Variants in NUTM1 observed in about 807,000 individuals in gnomAD.
The protein encoded by NUTM1 is NUT midline carcinoma family member 1.
In NUTM1, 39 loss-of-function variants were observed where a neutral mutation model predicts 88.7. That is an observed-to-expected ratio of 0.44 (90% CI 0.34 to 0.57). NUTM1 has a LOEUF of 0.57. Among genes scored for constraint, NUTM1 ranks in the 20% least tolerant of loss-of-function variants. The probability of loss-of-function intolerance (pLI) is 0.01; values close to 1 mark genes in which losing one functional copy is unlikely to be tolerated. For missense variants in NUTM1, 1,350 were observed against 1,414.5 expected, an observed-to-expected ratio of 0.95 and a Z score of 0.73; for synonymous variants, 494 against 538.0, an observed-to-expected ratio of 0.92 and a Z score of 1.13.
chr15:34,355,936 G>A lies in NUTM1; in HGVS notation c.1928G>A (p.Arg643Lys), dbSNP rs1890797995. 1 of 1,613,934 alleles carries A rather than the reference G, an allele frequency of 6.2e-7. No homozygotes were observed. Residue 643 changes from arginine to lysine, a missense_variant, in exon 8 of 8, where the codon AGG (arginine) becomes AAG (lysine). By Grantham distance (26) the Arg-to-Lys change is conservative. Coordinates refer to ENST00000537011, the MANE Select transcript of NUTM1 (RefSeq NM_001284292.2). The surrounding 1 kb of genome is among the most constrained non-coding windows in gnomAD (Gnocchi z 4.3). Reference protein sequence around the residue: ...GPPGHCLVADRTSEALPLCWQ... With the variant: ...GPPGHCLVADKTSEALPLCWQ... ...CCTGGGCACTGCCTGGTGGCTGATAGGACTTCAGAGGCTCTGCCCCTTTGT... is the reference window on the plus strand; with the variant it reads ...CCTGGGCACTGCCTGGTGGCTGATAAGACTTCAGAGGCTCTGCCCCTTTGT...
Position 34,357,080 on chromosome 15 carries a change from A to T in NUTM1, c.3072A>T (p.Ser1024=). ...CTTCTGTTAGTAAAACACACAGGTCAGCAGACAGGGCCAAAGGAAAGGAGA... is the reference window on the plus strand; with the variant it reads ...CTTCTGTTAGTAAAACACACAGGTCTGCAGACAGGGCCAAAGGAAAGGAGA... ...RETSVSKTHR[S]ADRAKGKEKK... Residue 1024 remains serine, a synonymous_variant, in exon 8 of 8, where the codon TCA becomes TCT. Coordinates refer to ENST00000537011, the MANE Select transcript of NUTM1 (RefSeq NM_001284292.2). 1 of 1,614,142 alleles carries T rather than the reference A, an allele frequency of 6.2e-7. No individual in the cohort carries two copies. The highest frequency in any genetic ancestry group is 2.2e-5 in the East Asian group (1 of 44,888).
In NUTM1 at chr15:34,356,425, C is replaced by T. The variant is rs752884973; in HGVS notation, c.2417C>T (p.Pro806Leu). The T allele has an allele frequency of 6.2e-7, 1 of 1,610,752 alleles. No homozygotes were observed. The highest frequency in any genetic ancestry group is 8.5e-7 in the Non-Finnish European group (1 of 1,178,194). The change falls in exon 8 of 8, where the codon CCT (proline) becomes CTT (leucine). Residue 806 changes from proline (P) to leucine (L), a missense_variant. This residue lies in a region of NUTM1 where 730 missense variants were observed against 728.8 expected (regional missense o/e 1.00). Transcript: ENST00000537011. ...CTGGGTCCTGGAGAAACCCTAGTAC[C>T]TGGGGATACGGAGAGCAGTGTGATT... is the stretch of plus-strand genomic sequence containing the variant. ...ISLGPGETLV[P>L]GDTESSVIPC...
At chr15:34,350,028 C>G (rs1890677644) in intron 3 of NUTM1, among the ~76,000 whole-genome samples, 1 of 152,158 alleles carries the variant, frequency 6.6e-6, no homozygotes, top group Non-Finnish European at 1.5e-5. Flanking sequence ...TCCTGGGGAG[C>G]TGCAAGTTGA....
intron 1 of NUTM1, among the ~76,000 whole-genome samples, chr15:34,345,034 T>C (rs1338848399): frequency 6.6e-6 from 1 of 150,842 alleles, no homozygotes; most frequent in Non-Finnish European, 1.5e-5. Flanking sequence ...AAAATTTAAA[T>C]CTAAGTAGTT....
intron 3 of NUTM1, among the ~76,000 whole-genome samples, chr15:34,349,277 A>T (rs1890664404): frequency 6.6e-6 from 1 of 152,238 alleles, no homozygotes; most frequent in African/African-American, 2.4e-5. Context: ...GATCCTGGGC[A>T]GGACATTTAA....
At chr15:34,352,717 A>G (rs113956432) in intron 4 of NUTM1, among the ~76,000 whole-genome samples, 4,916 of 149,796 alleles carry the variant, frequency 0.033, 294 homozygotes, top group African/African-American at 0.11. Flanking sequence ...GAGGCAGGAG[A>G]ATCACTTGAA....
chr15:34,345,613 T>C (rs1268395425), intron 1 of NUTM1, among the ~76,000 whole-genome samples: 6 of 152,186 alleles, frequency 3.9e-5, no homozygotes, highest in African/African-American at 1.4e-4. Flanking sequence ...CTGGCTGGGA[T>C]GGAAGGACAC....
Position 34,356,731 on chromosome 15 carries a change from C to T in NUTM1, c.2723C>T (p.Ala908Val). ...GAGGATGCCTCCTCCTTGCCTGAAG[C>T]CAGTCAAGAGGCAGGGAGCAGAGGC... ...GTEDASSLPE[A>V]SQEAGSRGNS... Residue 908 changes from alanine (A) to valine (V), a missense_variant, in exon 8 of 8, where the codon GCC (alanine) becomes GTC (valine). This residue lies in a region of NUTM1 where 730 missense variants were observed against 728.8 expected (regional missense o/e 1.00). Coordinates refer to ENST00000537011, the MANE Select transcript of NUTM1 (RefSeq NM_001284292.2). 1 of 1,613,222 alleles carries T rather than the reference C, an allele frequency of 6.2e-7. No homozygotes were observed. Among genetic ancestry groups the T allele is most frequent in the Non-Finnish European group, 8.5e-7 (1 of 1,179,814 alleles).
chr15:34,356,851 C>G lies in NUTM1; in HGVS notation c.2843C>G (p.Thr948Ser). 1 of 1,612,484 alleles carries G rather than the reference C, an allele frequency of 6.2e-7. No homozygotes were observed. Residue 948 changes from threonine (T) to serine (S), a missense_variant, in exon 8 of 8, where the codon ACC becomes AGC. Transcript: ENST00000537011. ...CTCCAACTAAGGGTCAGCGAGGACACCTGCCCACTGAATGTTCATTCTTAT... is the reference window on the plus strand; with the variant it reads ...CTCCAACTAAGGGTCAGCGAGGACAGCTGCCCACTGAATGTTCATTCTTAT... Reference protein sequence around the residue: ...CGLQLRVSEDTCPLNVHSYDP... With the variant: ...CGLQLRVSEDSCPLNVHSYDP...
intron 4 of NUTM1, among the ~76,000 whole-genome samples, chr15:34,353,170 C>A (rs2140158032): frequency 6.6e-6 from 1 of 151,690 alleles, no homozygotes; most frequent in South Asian, 2.1e-4. Context: ...CAGGCGTGAG[C>A]CACTGCGCCT....
chr15:34,343,338 G>A lies in NUTM1; in HGVS notation c.-359G>A. 2 of 618,350 alleles carry A rather than the reference G, an allele frequency of 3.2e-6. No homozygotes were observed. The highest frequency in any genetic ancestry group is 3.8e-5 in the South Asian group (2 of 52,766). The allele number at this position is 618,350 out of a possible 1,614,324, so 38.3% of individuals were successfully genotyped here. A position where few individuals can be genotyped will look rare whatever the true frequency, so the allele number is the denominator to read the frequency against. ...CCCTACTGTGTGCTAGGTACACGGC[G>A]TTAGAGGGGGGTAGGGATGGATGTG... On this transcript the variant is annotated 5_prime_UTR_variant, in exon 1 of 8. Transcript: ENST00000537011.
intron 1 of NUTM1, 126 bp from the exon 2 acceptor site, chr15:34,345,816 C>T (rs1198788811): frequency 6.0e-6 from 8 of 1,343,014 alleles, no homozygotes; most frequent in Non-Finnish European, 4.0e-6. Flanking sequence ...TATCTGTCCC[C>T]ACCCTCACCC....
rs1890770682 is a variant in NUTM1 at position 34,354,715 on chromosome 15, A to C, written c.1345A>C (p.Lys449Gln). The change falls in exon 6 of 8, where the codon AAG becomes CAG. Residue 449 changes from lysine (K) to glutamine (Q), a missense_variant. Lys to Gln is a moderately conservative substitution (Grantham distance 53). Coordinates refer to ENST00000537011, the MANE Select transcript of NUTM1 (RefSeq NM_001284292.2). ...CTACATCAATGAGCTGTGTTCTCAG[A>C]AGGTCTTTGTCTCCAAGGTGAGCTG... ...LSYINELCSQ[K>Q]VFVSKVEAVI... is the part of the protein sequence containing the mutation. 1.2e-6 allele frequency: 2 copies of C among 1,614,162 alleles called. No homozygotes were observed. The highest frequency in any genetic ancestry group is 2.7e-5 in the African/African-American group (2 of 75,054).
In NUTM1 at chr15:34,348,140, T is replaced by G. The variant is rs764583689; in HGVS notation, c.272T>G (p.Leu91Arg). The change falls in exon 3 of 8, where the codon CTC becomes CGC. Residue 91 changes from leucine (L) to arginine (R), a missense_variant. Coordinates refer to ENST00000537011, the MANE Select transcript of NUTM1 (RefSeq NM_001284292.2). Reference sequence around the variant, plus strand: ...TTCTCTCCAGACAACCCTCTGATGCTCTCTGCTTTCCCCAGCTCACTGTTG... The same window carrying G: ...TTCTCTCCAGACAACCCTCTGATGCGCTCTGCTTTCCCCAGCTCACTGTTG... Reference protein sequence around the residue: ...SVFSPDNPLMLSAFPSSLLVT... With the variant: ...SVFSPDNPLMRSAFPSSLLVT... 16 of 1,614,112 alleles carry G rather than the reference T, an allele frequency of 9.9e-6. No individual in the cohort carries two copies. The South Asian group carries it at 1.5e-4, about 16-fold the overall frequency.
At chr15:34,353,617 A>T in intron 4 of NUTM1, 119 bp from the exon 5 acceptor site, 1 of 1,193,898 alleles carries the variant, frequency 8.4e-7, no homozygotes, top group Non-Finnish European at 1.2e-6. Flanking sequence ...GACATGACTT[A>T]GGCAGACTTT....
At position 34,357,453 on chromosome 15, in the gene NUTM1, G is replaced by A. The variant is rs1233913938; in HGVS notation, c.3445G>A (p.Val1149Ile). The change falls in exon 8 of 8, where the codon GTC becomes ATC. Residue 1149 changes from valine to isoleucine, a missense_variant. Around this residue, in one of 5 missense-constraint regions of NUTM1, gnomAD observed 730 missense variants for 728.8 expected, o/e 1.00. Transcript: ENST00000537011. ...QPRKRRCDSF[V>I]TGRRKKRRRS... ...TCGTAAAAGGCGGTGTGACAGTTTT[G>A]TCACGGGCAGAAGGAAGAAACGACG... 1 of 1,613,208 alleles carries A rather than the reference G, an allele frequency of 6.2e-7. No homozygotes were observed. The highest frequency in any genetic ancestry group is 8.5e-7 in the Non-Finnish European group (1 of 1,179,676).
chr15:34,354,592 G>A lies in NUTM1; in HGVS notation c.1222G>A (p.Gly408Arg). ...TGTTGACATCATGGAATGGCTGGTG[G>A]GGACTCACTTGGCCACTGGGGAGTC... ...EYVDIMEWLVGTHLATGESDG... is the reference protein window; with the variant it reads ...EYVDIMEWLVRTHLATGESDG... The change falls in exon 6 of 8, where the codon GGG (glycine) becomes AGG (arginine). Residue 408 changes from glycine (G) to arginine (R), a missense_variant. Gly to Arg is a moderately radical substitution (Grantham distance 125). Around this residue, in one of 5 missense-constraint regions of NUTM1, gnomAD observed 126 missense variants for 189.8 expected, o/e 0.66. Transcript: ENST00000537011. The A allele has an allele frequency of 6.2e-7, 1 of 1,614,176 alleles. No individual in the cohort carries two copies. Among genetic ancestry groups the A allele is most frequent in the Non-Finnish European group, 8.5e-7 (1 of 1,180,040 alleles).
In NUTM1 at chr15:34,355,571, A is replaced by T. The variant is rs760769993; in HGVS notation, c.1563A>T (p.Ser521=). The change falls in exon 8 of 8, where the codon TCA becomes TCT. Residue 521 remains serine, a synonymous_variant. Transcript: ENST00000537011. This position sits in a 1 kb window ranked among gnomAD's most constrained non-coding sequence, Gnocchi z 4.3. ...PPSFSGAQLD[S]SPSGSVEDED... is the part of the protein sequence containing the mutation. ...GTTTCAGTGGCGCTCAGTTGGACTC[A>T]AGTCCTTCTGGTTCTGTTGAGGATG... The T allele has an allele frequency of 3.5e-5, 57 of 1,614,012 alleles. No individual in the cohort carries two copies. The highest frequency in any genetic ancestry group is 4.4e-5 in the Non-Finnish European group (52 of 1,180,000).
At position 34,356,326 on chromosome 15, in the gene NUTM1, G is replaced by A; in HGVS notation, c.2318G>A (p.Ser773Asn). Residue 773 changes from serine (S) to asparagine (N), a missense_variant, in exon 8 of 8, where the codon AGC becomes AAC. Around this residue, in one of 5 missense-constraint regions of NUTM1, gnomAD observed 730 missense variants for 728.8 expected, o/e 1.00. Coordinates refer to ENST00000537011, the MANE Select transcript of NUTM1 (RefSeq NM_001284292.2). ...GTACAAATAGAGGAGGTCATAGAGA[G>A]CTTCCAAGTTGAGAAGTGTGTAACT... ...LPVQIEEVIESFQVEKCVTEY... is the reference protein window; with the variant it reads ...LPVQIEEVIENFQVEKCVTEY... The A allele has an allele frequency of 6.2e-7, 1 of 1,613,954 alleles. No homozygotes were observed. Among genetic ancestry groups the A allele is most frequent in the Non-Finnish European group, 8.5e-7 (1 of 1,179,984 alleles).
Sources: gnomAD v4.1 joint callset for allele counts (sites outside exome capture counted in the v4.1 genomes callset) on GRCh38, gnomAD v4.1.1 for gene constraint, gnomAD v4.1.1 regional missense constraint, Gnocchi (gnomAD v3.1) non-coding constraint, MANE v1.5 for transcripts, NCBI Gene and HGNC (gene_info 2026-07-23, HGNC 2026-07-21) for gene names.